Variants in IDE observed in about 807,000 individuals in gnomAD.
IDE encodes the protein insulin degrading enzyme.
In IDE, 58 loss-of-function variants were observed where a neutral mutation model predicts 133.2. That is an observed-to-expected ratio of 0.44 (90% CI 0.35 to 0.54). IDE has a LOEUF of 0.54. IDE is among the 20% of genes least tolerant of loss of function. The pLI is 0.00. For missense variants in IDE, 981 were observed against 1,234.0 expected (o/e 0.79, Z 3.07); for synonymous variants, 396 against 421.3 (o/e 0.94, Z 0.73).
At chr10:92,562,700 CAGA>C (rs1448341563) in intron 1 of IDE, among the ~76,000 whole-genome samples, 1 of 152,060 alleles carries the variant, frequency 6.6e-6, no homozygotes, top group Non-Finnish European at 1.5e-5. Flanking sequence ...GCAGAGCATA[CAGA>C]AACCACAGAG....
chr10:92,525,801 C>CA (rs1218336084), intron 4 of IDE, among the ~76,000 whole-genome samples: 4 of 133,866 alleles, frequency 3.0e-5, no homozygotes, highest in East Asian at 2.2e-4. Context: ...ATAATAGCTA[C>CA]AAAAAACAAA....
chr10:92,517,503 G>A (rs1462471578), intron 4 of IDE, among the ~76,000 whole-genome samples: 4 of 152,172 alleles, frequency 2.6e-5, no homozygotes, highest in Non-Finnish European at 5.9e-5. Flanking sequence ...GATCTCCTGG[G>A]CTCAAGCAGT....
intron 18 of IDE, among the ~76,000 whole-genome samples, chr10:92,469,662 C>T (rs1179285217): frequency 7.2e-5 from 11 of 152,098 alleles, no homozygotes; most frequent in Admixed American, 7.2e-4. Flanking sequence ...AGTAATCCTC[C>T]TGCCTCAGCC....
chr10:92,481,597 C>A (rs765104801), intron 14 of IDE, among the ~76,000 whole-genome samples: 1 of 152,164 alleles, frequency 6.6e-6, no homozygotes, highest in Non-Finnish European at 1.5e-5. Context: ...ATACTATATG[C>A]TTAAATATGG....
At chr10:92,524,446 T>TTATATATAATATATTATATAATATATA (rs1564647982) in intron 4 of IDE, among the ~76,000 whole-genome samples, 2 of 42,968 alleles carry the variant, frequency 4.7e-5, no homozygotes, top group African/African-American at 2.2e-4. Flanking sequence ...TATAATATAT[T>TTATATATAATATATTATATAATATATA]TTATATATTA....
Position 92,574,041 on chromosome 10 carries a change from T to C in IDE, c.-22A>G. The C allele has an allele frequency of 6.7e-7, 1 of 1,502,388 alleles. No homozygotes were observed. The highest frequency in any genetic ancestry group is 1.4e-5 in the African/African-American group (1 of 69,462). 93.1% of individuals were successfully genotyped at this position (1,502,388 alleles called of 1,614,324 possible). On this transcript the variant is annotated 5_prime_UTR_variant, in exon 1 of 25. Transcript: ENST00000265986. ...GCATTAGCCAGCGCAGTCGCCGGGA[T>C]CACCGCAAACGCTTCCTGCTTGCGC...
rs3781239 is a variant in IDE at position 92,458,040 on chromosome 10, C to G, written c.2824-1609G>C. ...CTTGTCACCCAAACCTTCATTACCC[C>G]CTTGTCTACCCACATCAGCAGACAG... On this transcript the variant is annotated intron_variant, in intron 22 of 24. Transcript: ENST00000265986. Among the ~76,000 whole-genome samples, 1,378 of 152,280 alleles carry G rather than the reference C, an allele frequency of 9.0e-3. 55 individuals carry two copies. In the East Asian group the frequency reaches 0.092, roughly 10 times the overall value.
rs773540285 is a variant in IDE, at chr10:92,537,441, C to T, written c.208G>A (p.Ala70Thr). The T allele has an allele frequency of 1.9e-6, 3 of 1,613,876 alleles. No individual in the cohort carries two copies. The highest frequency in any genetic ancestry group is 2.2e-5 in the South Asian group (2 of 91,056). ...DKREYRGLELANGIKVLLISD... is the reference protein window; with the variant it reads ...DKREYRGLELTNGIKVLLISD... ...ATAAGAAGTACTTTGATACCATTGG[C>T]CAGCTCTAGCCCTCGATATTCTCGC... The change falls in exon 2 of 25, where the codon GCC (alanine) becomes ACC (threonine). Residue 70 changes from alanine to threonine, a missense_variant. Transcript: ENST00000265986.
chr10:92,525,520 T>C (rs1184945100), intron 4 of IDE, among the ~76,000 whole-genome samples: 1 of 152,122 alleles, frequency 6.6e-6, no homozygotes, highest in Non-Finnish European at 1.5e-5. Flanking sequence ...TTATACAGCA[T>C]AGCACTGGAA....
intron 11 of IDE, among the ~76,000 whole-genome samples, chr10:92,496,347 A>C (rs1847701610): frequency 6.6e-6 from 1 of 152,228 alleles, no homozygotes; most frequent in African/African-American, 2.4e-5. Flanking sequence ...AGCAAAATGT[A>C]ATCAGTTAAT....
intron 1 of IDE, among the ~76,000 whole-genome samples, chr10:92,554,561 A>AG (rs1322474946): frequency 6.6e-6 from 1 of 151,378 alleles, no homozygotes; most frequent in African/African-American, 2.4e-5. Context: ...AAAAAAAAAA[A>AG]AGATGGCCAG....
At chr10:92,572,587 C>T in intron 1 of IDE, among the ~76,000 whole-genome samples, 1 of 152,174 alleles carries the variant, frequency 6.6e-6, no homozygotes. Flanking sequence ...AGATAACTTT[C>T]CAGCTCAAAA....
At chr10:92,515,238 C>A (rs1191694503) in intron 4 of IDE, among the ~76,000 whole-genome samples, 196 bp from the exon 5 acceptor site, 1 of 151,016 alleles carries the variant, frequency 6.6e-6, no homozygotes, top group Non-Finnish European at 1.5e-5. Flanking sequence ...AAACTATAGT[C>A]GTCTCTACGG....
chr10:92,477,821 C>T (rs1211602230), intron 15 of IDE, among the ~76,000 whole-genome samples: 1 of 152,162 alleles, frequency 6.6e-6, no homozygotes, highest in Non-Finnish European at 1.5e-5. Flanking sequence ...ATTTTGATCT[C>T]TGAGCTTCAA....
chr10:92,457,842 C>G (rs987790685), intron 22 of IDE, among the ~76,000 whole-genome samples: 2 of 152,182 alleles, frequency 1.3e-5, no homozygotes, highest in Non-Finnish European at 2.9e-5. Flanking sequence ...GCTCCCCACT[C>G]TACTCCCTGC....
At chr10:92,523,730 C>G (rs549047620) in intron 4 of IDE, among the ~76,000 whole-genome samples, 1 of 149,916 alleles carries the variant, frequency 6.7e-6, no homozygotes, top group Non-Finnish European at 1.5e-5. Flanking sequence ...AAGTCACGCA[C>G]ACCTAAAATA....
chr10:92,569,463 G>A (rs1843690600), intron 1 of IDE, among the ~76,000 whole-genome samples: 1 of 152,230 alleles, frequency 6.6e-6, no homozygotes, highest in African/African-American at 2.4e-5. Context: ...TCTCACTGAT[G>A]TAAGATGTTA....
At chr10:92,516,516 A>G (rs1264720224) in intron 4 of IDE, among the ~76,000 whole-genome samples, 1 of 152,188 alleles carries the variant, frequency 6.6e-6, no homozygotes, top group Non-Finnish European at 1.5e-5. Flanking sequence ...ATCTGTATCT[A>G]TATCTCCACT....
chr10:92,510,086 T>C lies in IDE; in HGVS notation c.861A>G (p.Glu287=). The part of the protein sequence containing the change: ...EVENKNVPLP[E]FPEHPFQEEH... ...CTTCTTGGAAAGGGTGTTCAGGAAA[T>C]TCTGGCAATGGAACATTTTTGTTCT... Residue 287 remains glutamate (E), a synonymous_variant, in exon 6 of 25, where the codon GAA becomes GAG. Transcript: ENST00000265986. 11 of 1,605,382 alleles carry C rather than the reference T, an allele frequency of 6.9e-6. No individual in the cohort carries two copies. Among genetic ancestry groups the C allele is most frequent in the Non-Finnish European group, 9.4e-6 (11 of 1,173,484 alleles).
Sources: allele counts gnomAD v4.1 joint callset (sites outside exome capture counted in the v4.1 genomes callset), GRCh38; gene constraint gnomAD v4.1.1; transcripts MANE v1.5; gene names NCBI Gene and HGNC (gene_info 2026-07-23, HGNC 2026-07-21).